DSCAML1: variants seen among roughly 807,000 people sequenced by gnomAD.
DSCAML1 encodes the protein cell adhesion molecule DSCAML1.
DSCAML1 carries 38 observed loss-of-function variants against 200.5 expected under a neutral mutation model. The observed-to-expected ratio is 0.19, with a 90% CI of 0.15 to 0.25. The LOEUF is 0.25. Among genes scored for constraint, DSCAML1 ranks in the 10% least tolerant of loss-of-function variants. The pLI is 1.00. For missense variants in DSCAML1, 2,223 were observed against 2,858.8 expected, an observed-to-expected ratio of 0.78 and a Z score of 5.07; for synonymous variants, 1,215 against 1,165.0, an observed-to-expected ratio of 1.04 and a Z score of -0.87.
intron 5 of DSCAML1, among the ~76,000 whole-genome samples, chr11:117,522,834 T>G (rs2049907345): frequency 1.3e-5 from 2 of 152,088 alleles, no homozygotes. Flanking sequence ...TTCCTCTCCA[T>G]GAACCTGGCA....
chr11:117,814,798 G>A (rs1191495464), intron 1 of DSCAML1, among the ~76,000 whole-genome samples: 1 of 152,216 alleles, frequency 6.6e-6, no homozygotes, highest in Non-Finnish European at 1.5e-5. Context: ...GGCCCAGCCT[G>A]GCTCGTCCCC....
rs2048883085 is a variant in DSCAML1, at chr11:117,480,213, C to T, written c.2785+230G>A. On this transcript the variant is annotated intron_variant, in intron 14 of 32. Transcript: ENST00000651296. This position sits in a 1 kb window ranked among gnomAD's most constrained non-coding sequence, Gnocchi z 4.1. The stretch of plus-strand genomic sequence containing the variant: ...AGGGACAGTCCTGGAAAGGAGCTGA[C>T]ATCACTACCCATCAACTGGGGGTCT... Among the ~76,000 whole-genome samples, 1 of 152,218 alleles carries T rather than the reference C, an allele frequency of 6.6e-6. No individual in the cohort carries two copies. Among genetic ancestry groups the T allele is most frequent in the South Asian group, 2.1e-4 (1 of 4,834 alleles).
Position 117,464,970 on chromosome 11 carries a change from G to C in DSCAML1, c.3237C>G (p.Ser1079Arg), listed in dbSNP as rs61743159. The C allele has an allele frequency of 1.9e-6, 3 of 1,613,944 alleles. No homozygotes were observed. The highest frequency in any genetic ancestry group is 2.7e-5 in the African/African-American group (2 of 74,936). Residue 1079 changes from serine (S) to arginine (R), a missense_variant, in exon 17 of 33, where the codon AGC (serine) becomes AGG (arginine). This residue lies in a region of DSCAML1 where 438 missense variants were observed against 629.7 expected (regional missense o/e 0.70). Transcript: ENST00000651296. ...CCTCCAGAGTGGTGGCATTGATCTC[G>C]CTGGAAGAGGGCCCCGTGCCAGCCC... ...FNRAGTGPSS[S>R]EINATTLEDV...
At chr11:117,509,616 C>T (rs980384458) in intron 8 of DSCAML1, among the ~76,000 whole-genome samples, 1 of 152,192 alleles carries the variant, frequency 6.6e-6, no homozygotes, top group South Asian at 2.1e-4. Flanking sequence ...GATCATGGCT[C>T]CTCCACCAGC....
At chr11:117,729,801 T>C (rs1460534099) in intron 3 of DSCAML1, among the ~76,000 whole-genome samples, 1 of 152,212 alleles carries the variant, frequency 6.6e-6, no homozygotes, top group African/African-American at 2.4e-5. Context: ...CAGGTGAATA[T>C]GTTAGCTTAT....
chr11:117,752,410 C>T (rs1199220231), intron 3 of DSCAML1, among the ~76,000 whole-genome samples: 1 of 152,170 alleles, frequency 6.6e-6, no homozygotes, highest in African/African-American at 2.4e-5. Context: ...GTGTATCTCA[C>T]AGCACATCAT....
At chr11:117,601,110 T>C (rs577651) in intron 3 of DSCAML1, among the ~76,000 whole-genome samples, 138,409 of 151,642 alleles carry the variant, frequency 0.91, 63,243 homozygotes, top group Middle Eastern at 0.95. Context: ...CTCCCTCAAA[T>C]GCACTCCAGC....
Position 117,428,493 on chromosome 11 carries a change from G to C in DSCAML1, c.5997C>G (p.Pro1999=), listed in dbSNP as rs1038729722. The part of the protein sequence containing the change: ...GPTPAEPPTA[P]SAAPPAPSTE... ...TGCTGGGGGCCGGAGGGGCAGCGCT[G>C]GGGGCGGTGGGTGGCTCAGCAGGGG... The change falls in exon 33 of 33, where the codon CCC becomes CCG. Residue 1999 remains proline (P), a synonymous_variant. Transcript: ENST00000651296. 6.5e-7 allele frequency: 1 copy of C among 1,529,446 alleles called. No homozygotes were observed. Among genetic ancestry groups the C allele is most frequent in the Non-Finnish European group, 8.8e-7 (1 of 1,135,414 alleles). 94.7% of individuals were successfully genotyped at this position (1,529,446 alleles called of 1,614,324 possible). A position where few individuals can be genotyped will look rare whatever the true frequency, so the allele number is the denominator to read the frequency against.
intron 3 of DSCAML1, among the ~76,000 whole-genome samples, chr11:117,655,009 G>A (rs955842321): frequency 6.6e-6 from 1 of 152,256 alleles, no homozygotes; most frequent in Non-Finnish European, 1.5e-5. Flanking sequence ...GATGCCAGAT[G>A]TCCAGATGTT....
At chr11:117,539,048 A>G (rs897479267) in intron 3 of DSCAML1, among the ~76,000 whole-genome samples, 4 of 152,264 alleles carry the variant, frequency 2.6e-5, no homozygotes, top group Admixed American at 2.6e-4. Context: ...GTGCATTCCC[A>G]TCTCAATCCG....
intron 3 of DSCAML1, among the ~76,000 whole-genome samples, chr11:117,690,671 G>A (rs897488476): frequency 1.3e-5 from 2 of 152,222 alleles, no homozygotes; most frequent in African/African-American, 4.8e-5. Context: ...TCTGGACCAT[G>A]CTCACCCCTC....
intron 3 of DSCAML1, among the ~76,000 whole-genome samples, chr11:117,710,705 T>C (rs1220402067): frequency 6.6e-6 from 1 of 152,184 alleles, no homozygotes; most frequent in Non-Finnish European, 1.5e-5. Flanking sequence ...GTAAAGCACT[T>C]GGACAAGTGT....
chr11:117,776,759 T>C, intron 3 of DSCAML1, 32 bp downstream of exon 3: 1 of 1,613,360 alleles, frequency 6.2e-7, no homozygotes, highest in South Asian at 1.1e-5. Context: ...AGGGAGCACC[T>C]CTGTCTGCCG....
In DSCAML1 at chr11:117,567,625, G is replaced by T. The variant is rs1222607152; in HGVS notation, c.512-35103C>A. On this transcript the variant is annotated intron_variant, in intron 3 of 32. Transcript: ENST00000651296. ...TGCAAATAAACTAGAAAATCTAGAA[G>T]AAATGGATAAATTCCTCGACACATA... Among the ~76,000 whole-genome samples the T allele has an allele frequency of 5.3e-5, 8 of 152,268 alleles. 1 individual carries two copies. The East Asian group carries it at 1.4e-3, about 26-fold the overall frequency.
At chr11:117,687,298 T>C (rs2137709567) in intron 3 of DSCAML1, among the ~76,000 whole-genome samples, 1 of 152,276 alleles carries the variant, frequency 6.6e-6, no homozygotes, top group South Asian at 2.1e-4. Context: ...TCTCGCTCTG[T>C]AACCCAGGCT....
At chr11:117,613,276 A>C (rs534154545) in intron 3 of DSCAML1, among the ~76,000 whole-genome samples, 1 of 152,216 alleles carries the variant, frequency 6.6e-6, no homozygotes, top group South Asian at 2.1e-4. Context: ...GGCACCCCAG[A>C]AAAAGACACA....
chr11:117,636,914 A>G (rs533512456), intron 3 of DSCAML1, among the ~76,000 whole-genome samples: 42 of 152,312 alleles, frequency 2.8e-4, no homozygotes, highest in Non-Finnish European at 5.4e-4. Flanking sequence ...ATTATTTAGT[A>G]GACAAGATAG....
chr11:117,484,037 G>A (rs2048986136), intron 11 of DSCAML1, among the ~76,000 whole-genome samples: 2 of 46,098 alleles, frequency 4.3e-5, no homozygotes, highest in African/African-American at 9.0e-5. Context: ...CCCCGCCCCT[G>A]CCCCCCGCCC....
intron 3 of DSCAML1, among the ~76,000 whole-genome samples, chr11:117,607,265 A>G (rs1018878975): frequency 3.3e-5 from 5 of 152,198 alleles, no homozygotes; most frequent in Non-Finnish European, 7.3e-5. Flanking sequence ...TGGGCTGGAC[A>G]TGCTTGACAG....
Sources: allele counts gnomAD v4.1 joint callset (sites outside exome capture counted in the v4.1 genomes callset), GRCh38; gene constraint gnomAD v4.1.1; regional missense constraint gnomAD v4.1.1; non-coding constraint Gnocchi (gnomAD v3.1); transcripts MANE v1.5; gene names NCBI Gene and HGNC (gene_info 2026-07-23, HGNC 2026-07-21).